Variants in ANKRD36C observed in about 807,000 individuals in gnomAD.
ANKRD36C encodes the protein ankyrin repeat domain-containing protein 36C.
ANKRD36C carries 61 observed loss-of-function variants against 276.4 expected under a neutral mutation model. The ratio of observed to expected loss-of-function variants is 0.22; its 90% CI spans 0.18 to 0.27. ANKRD36C has a LOEUF of 0.27. Ranked by LOEUF, ANKRD36C falls within the 10% of genes least tolerant of loss-of-function variation. The probability of loss-of-function intolerance (pLI) is 1.00; values close to 1 mark genes in which losing one functional copy is unlikely to be tolerated. For missense variants in ANKRD36C, 1,447 were observed against 2,032.3 expected (o/e 0.71, Z 5.54); for synonymous variants, 483 against 680.1 (o/e 0.71, Z 4.51).
exon 33 of ANKRD36C, chr2:95,921,808 A>G (rs1463801091): frequency 2.5e-6 from 4 of 1,598,658 alleles, no homozygotes; most frequent in Non-Finnish European, 3.4e-6. Context: ...TTCTGAGAAG[A>G]CACTGAAAAA....
At chr2:95,890,971 C>G (rs1264118667) in intron 46 of ANKRD36C, among the ~76,000 whole-genome samples, 1 of 151,444 alleles carries the variant, frequency 6.6e-6, no homozygotes, top group African/African-American at 2.4e-5. Flanking sequence ...TAACTACAAT[C>G]AACAAAATAC....
chr2:95,914,382 C>A (rs1338894770), intron 38 of ANKRD36C, 79 bp from the exon 41 acceptor site: 2 of 1,491,870 alleles, frequency 1.3e-6, no homozygotes, highest in Non-Finnish European at 1.8e-6. Flanking sequence ...GTGTTAGCAT[C>A]AACCTCTGTC....
intron 6 of ANKRD36C, among the ~76,000 whole-genome samples, chr2:95,975,980 C>T (rs926453252): frequency 6.6e-6 from 1 of 152,150 alleles, no homozygotes; most frequent in African/African-American, 2.4e-5. Context: ...TATGAACAGA[C>T]ACTTCTCAAA....
chr2:95,936,055 T>C (rs1336980921), intron 22 of ANKRD36C, among the ~76,000 whole-genome samples: 1 of 152,304 alleles, frequency 6.6e-6, no homozygotes, highest in African/African-American at 2.4e-5. Context: ...AAAATACTCA[T>C]GTTGTCCACA....
chr2:95,893,843 G>A lies in ANKRD36C; in HGVS notation c.2756-1983C>T, dbSNP rs1031109530. 34 of 1,539,586 alleles carry A rather than the reference G, an allele frequency of 2.2e-5. No individual in the cohort carries two copies. The Admixed American group carries it at 3.2e-4, about 15-fold the overall frequency. On this transcript the variant is annotated intron_variant, in intron 44 of 66. Transcript: ENST00000456556. ...TGCCTGTATTAGCGTAGGCTTTAAT[G>A]GCTTCTACTTTGTGTCTGGGGACTA...
Position 95,914,425 on chromosome 2 carries a change from T to C in ANKRD36C, c.2450-122A>G, listed in dbSNP as rs1179484660. The stretch of plus-strand genomic sequence containing the variant: ...CTGTATTAGCGTAGTCTTTGATGGC[T>C]TCTACTTTGTGTCTGGGGACTAGAA... On this transcript the variant is annotated intron_variant, in intron 38 of 66. Transcript: ENST00000456556. The C allele has an allele frequency of 3.1e-6, 4 of 1,270,654 alleles. No individual in the cohort carries two copies. The East Asian group carries it at 7.6e-5, about 24-fold the overall frequency. 78.7% of individuals were successfully genotyped at this position (1,270,654 alleles called of 1,614,324 possible).
At chr2:95,915,295 A>T (rs1677059809) in intron 38 of ANKRD36C, among the ~76,000 whole-genome samples, 1 of 151,562 alleles carries the variant, frequency 6.6e-6, no homozygotes. Context: ...TCAACAAAAC[A>T]TGTATCTCTG....
chr2:95,968,404 A>T (rs568035344), intron 6 of ANKRD36C, among the ~76,000 whole-genome samples: 1 of 152,190 alleles, frequency 6.6e-6, no homozygotes, highest in Non-Finnish European at 1.5e-5. Flanking sequence ...GAATCCTATC[A>T]CACTGACAGA....
chr2:95,963,848 C>A (rs2104509550), intron 6 of ANKRD36C, among the ~76,000 whole-genome samples: 1 of 124,736 alleles, frequency 8.0e-6, no homozygotes, highest in African/African-American at 3.1e-5. Context: ...AGAAATCATG[C>A]ATAATCAGAT....
Position 95,891,852 on chromosome 2 carries a change from C to A in ANKRD36C, c.2764G>T (p.Glu922Ter), listed in dbSNP as rs1477492077. 1 of 1,562,328 alleles carries A rather than the reference C, an allele frequency of 6.4e-7. No individual in the cohort carries two copies. The highest frequency in any genetic ancestry group is 1.2e-5 in the South Asian group (1 of 85,112). Reference sequence around the variant, plus strand: ...ATTACCTTCAAGCCTGATGGTTTCTCAGAAGACACTGAAAAGTAAAAGGGA... The same window carrying A: ...ATTACCTTCAAGCCTGATGGTTTCTAAGAAGACACTGAAAAGTAAAAGGGA... Residue 922 changes from glutamate to a stop codon, truncating the protein, a stop_gained, in exon 45 of 67, where the codon GAG becomes TAG. Coordinates refer to ENST00000456556, the Ensembl canonical transcript of ANKRD36C. LOFTEE classifies it high-confidence loss of function.
In ANKRD36C at chr2:95,896,697, T is replaced by C. The variant is rs1260224418; in HGVS notation, c.2755+2448A>G. On this transcript the variant is annotated intron_variant, in intron 44 of 66. Transcript: ENST00000456556. ...AGTTCCTGGAGCAGCCAAAATAAAA[T>C]ATTTGTTATGAAAATATTCCAAATG... is the stretch of plus-strand genomic sequence containing the variant. 4.9e-5 allele frequency among the ~76,000 whole-genome samples: 7 copies of C among 141,898 alleles called. 1 individual carries two copies. The highest frequency in any genetic ancestry group is 1.8e-4 in the African/African-American group (7 of 38,336). The allele number at this position is 141,898 out of a possible 152,430, so 93.1% of individuals were successfully genotyped here. A position where few individuals can be genotyped will look rare whatever the true frequency, so the allele number is the denominator to read the frequency against.
chr2:95,911,143 T>A (rs916242884), intron 42 of ANKRD36C, among the ~76,000 whole-genome samples: 1 of 151,484 alleles, frequency 6.6e-6, no homozygotes, highest in African/African-American at 2.4e-5. Context: ...AATCATTATC[T>A]CTCACACCCA....
intron 50 of ANKRD36C, among the ~76,000 whole-genome samples, chr2:95,886,766 G>A (rs1378448033): frequency 6.6e-6 from 1 of 151,648 alleles, no homozygotes; most frequent in Non-Finnish European, 1.5e-5. Context: ...GACCTAAATC[G>A]ATCAACGTGG....
At chr2:95,968,470 T>A (rs1678637641) in intron 6 of ANKRD36C, among the ~76,000 whole-genome samples, 1 of 152,148 alleles carries the variant, frequency 6.6e-6, no homozygotes, top group Non-Finnish European at 1.5e-5. Context: ...AAGAACATGA[T>A]TTCTGGACAA....
chr2:95,972,543 CA>C (rs997999056), intron 6 of ANKRD36C, among the ~76,000 whole-genome samples: 16 of 152,316 alleles, frequency 1.1e-4, no homozygotes, highest in African/African-American at 3.8e-4. Flanking sequence ...TGTAACAAAT[CA>C]AAGCCCAGAG....
intron 1 of ANKRD36C, 56 bp from the exon 2 acceptor site, chr2:95,987,262 T>C (rs1679048522): frequency 6.7e-7 from 1 of 1,494,492 alleles, no homozygotes. Context: ...AATTAGCATG[T>C]TATTTCTCTG....
At chr2:95,938,352 T>TAC (rs1422460187) in intron 22 of ANKRD36C, among the ~76,000 whole-genome samples, 1 of 152,300 alleles carries the variant, frequency 6.6e-6, no homozygotes, top group Non-Finnish European at 1.5e-5. Flanking sequence ...TAATCAGAGA[T>TAC]ACACACACAC....
chr2:95,861,546 G>T (rs1183368571), intron 60 of ANKRD36C, among the ~76,000 whole-genome samples: 1 of 151,114 alleles, frequency 6.6e-6, no homozygotes, highest in African/African-American at 2.4e-5. Context: ...GGTGAACTGT[G>T]ATAAGTTAAA....
intron 60 of ANKRD36C, among the ~76,000 whole-genome samples, chr2:95,861,613 C>A (rs1372285848): frequency 6.6e-6 from 1 of 150,652 alleles, no homozygotes; most frequent in Non-Finnish European, 1.5e-5. Context: ...GCTAATAAAC[C>A]CAAAAATATA....
Sources: allele counts gnomAD v4.1 joint callset (sites outside exome capture counted in the v4.1 genomes callset), GRCh38; gene constraint gnomAD v4.1.1; transcripts MANE v1.5; gene names NCBI Gene and HGNC (gene_info 2026-07-23, HGNC 2026-07-21).